Variants in NR1H3 observed in about 807,000 individuals in gnomAD.
NR1H3 encodes nuclear receptor subfamily 1 group H member 3.
In NR1H3, 19 loss-of-function variants were observed where a neutral mutation model predicts 48.1. That is an observed-to-expected ratio of 0.40 (90% CI 0.28 to 0.58). NR1H3 has a LOEUF of 0.58. Ranked by LOEUF, NR1H3 falls within the 20% of genes least tolerant of loss-of-function variation. The probability of loss-of-function intolerance (pLI) is 0.50; values close to 1 mark genes in which losing one functional copy is unlikely to be tolerated. For synonymous variants in NR1H3, 232 were observed against 227.3 expected (o/e 1.02, Z -0.19); for missense variants, 486 against 595.9 (o/e 0.82, Z 1.92).
chr11:47,254,161 C>A (rs1454729443), upstream of NR1H3, among the ~76,000 whole-genome samples: 1 of 152,190 alleles, frequency 6.6e-6, no homozygotes, highest in Admixed American at 6.5e-5. Flanking sequence ...CCCCCACTCC[C>A]ACAAGATGGG....
intron 1 of NR1H3, chr11:47,250,567 T>C (rs1591045954): frequency 6.6e-6 from 1 of 152,352 alleles, no homozygotes; most frequent in East Asian, 1.9e-4. Flanking sequence ...AGCCAAAGCC[T>C]GGGTAGCCAA....
chr11:47,264,857 A>G (rs1956293952), intron 7 of NR1H3, among the ~76,000 whole-genome samples: 1 of 152,206 alleles, frequency 6.6e-6, no homozygotes, highest in Admixed American at 6.5e-5. Context: ...TGGACTGAGC[A>G]CATTTGAGGT....
chr11:47,258,083 G>C lies in NR1H3; in HGVS notation c.-84G>C. 1 of 985,578 alleles carries C rather than the reference G, an allele frequency of 1.0e-6. No homozygotes were observed. Among genetic ancestry groups the C allele is most frequent in the Non-Finnish European group, 1.2e-6 (1 of 830,130 alleles). The allele number at this position is 985,578 out of a possible 1,614,324, so 61.1% of individuals were successfully genotyped here. A position where few individuals can be genotyped will look rare whatever the true frequency, so the allele number is the denominator to read the frequency against. Reference sequence around the variant, plus strand: ...CACCATCCTCTTCTCCCAGCAAGGGGGCTCCAGAGACTGCCCACCCAGGAA... The same window carrying C: ...CACCATCCTCTTCTCCCAGCAAGGGCGCTCCAGAGACTGCCCACCCAGGAA... On this transcript the variant is annotated 5_prime_UTR_variant, in exon 1 of 10. Transcript: ENST00000441012.
intron 3 of NR1H3, 37 bp from the exon 4 acceptor site, chr11:47,260,372 C>T: frequency 6.4e-7 from 1 of 1,573,992 alleles, no homozygotes; most frequent in Non-Finnish European, 8.6e-7. Context: ...GATGTTTTTC[C>T]TCGGGGGAGA....
chr11:47,249,566 G>A (rs1190396232), intron 1 of NR1H3, among the ~76,000 whole-genome samples: 1 of 152,174 alleles, frequency 6.6e-6, no homozygotes, highest in Non-Finnish European at 1.5e-5. Flanking sequence ...CAGACCAGTG[G>A]GGAGGTATTT....
chr11:47,259,710 T>G, intron 2 of NR1H3, 81 bp from the exon 3 acceptor site: 2 of 1,596,910 alleles, frequency 1.3e-6, no homozygotes, highest in Non-Finnish European at 1.7e-6. Context: ...GGGATAAGTT[T>G]GCAGTTTCCC....
At position 47,268,077 on chromosome 11, in the gene NR1H3, C is replaced by T. The variant is rs760019068; in HGVS notation, c.1102+51C>T. On this transcript the variant is annotated intron_variant, in intron 8 of 9. Transcript: ENST00000441012. ...AGCAAGAGACTTACACCAAGGAGGG[C>T]TGCAGGTCCCACAGGAATCGGTGGG... 5 of 1,383,412 alleles carry T rather than the reference C, an allele frequency of 3.6e-6. No homozygotes were observed. In the South Asian group the frequency reaches 5.8e-5, roughly 16 times the overall value. 85.7% of individuals were successfully genotyped at this position (1,383,412 alleles called of 1,614,324 possible).
upstream of NR1H3, chr11:47,248,552 C>T: frequency 6.4e-7 from 1 of 1,551,678 alleles, no homozygotes; most frequent in Non-Finnish European, 8.7e-7. Flanking sequence ...TCCAGCCTCC[C>T]AACTACCCAG....
chr11:47,259,118 A>G, intron 1 of NR1H3, 62 bp from the exon 2 acceptor site: 1 of 1,602,612 alleles, frequency 6.2e-7, no homozygotes, highest in East Asian at 2.2e-5. Context: ...CAGGTGGAGA[A>G]GGGAGCTGAG....
At chr11:47,249,013 G>A in intron 1 of NR1H3, 1 of 1,475,236 alleles carries the variant, frequency 6.8e-7, no homozygotes, top group Non-Finnish European at 9.0e-7. Flanking sequence ...ACGCGACCTG[G>A]CGCGGCAGAC....
Position 47,260,425 on chromosome 11 carries a change from G to T in NR1H3, c.249G>T (p.Lys83Asn). 1 of 1,613,282 alleles carries T rather than the reference G, an allele frequency of 6.2e-7. No individual in the cohort carries two copies. Among genetic ancestry groups the T allele is most frequent in the Non-Finnish European group, 8.5e-7 (1 of 1,179,394 alleles). The change falls in exon 4 of 10, where the codon AAG becomes AAT. Residue 83 changes from lysine to asparagine, a missense_variant. Lys to Asn is a moderately conservative substitution (Grantham distance 94, BLOSUM62 0). Coordinates refer to ENST00000441012, the MANE Select transcript of NR1H3 (RefSeq NM_005693.4). ...TGTATCCAGAGATCCGTCCACAAAA[G>T]CGGAAAAAGGGGCCAGCCCCCAAAA... ...PSEPTEIRPQKRKKGPAPKML... is the reference protein window; with the variant it reads ...PSEPTEIRPQNRKKGPAPKML...
chr11:47,256,497 C>T (rs888732222), upstream of NR1H3, among the ~76,000 whole-genome samples: 23 of 151,930 alleles, frequency 1.5e-4, no homozygotes, highest in Admixed American at 2.6e-4. Context: ...AGAGTCTGAA[C>T]GCTAAATCAA....
Position 47,260,675 on chromosome 11 carries a change from T to C in NR1H3, c.499T>C (p.Cys167Arg), listed in dbSNP as rs1955740758. 6.3e-7 allele frequency: 1 copy of C among 1,589,452 alleles called. No homozygotes were observed. The change falls in exon 4 of 10, where the codon TGT becomes CGT. Residue 167 changes from cysteine to arginine, a missense_variant and splice_region_variant. Cys to Arg is a radical substitution (Grantham distance 180). Transcript: ENST00000441012. ...CCGTCAGGCTGGCATGCGGGAGGAG[T>C]GTGAGTTTCTGGGGCTGGAGTGGGG... The part of the protein sequence containing the change: ...KCRQAGMREE[C>R]VLSEEQIRLK...
At position 47,259,803 on chromosome 11, in the gene NR1H3, A is replaced by G. The variant is rs1237026639; in HGVS notation, c.56A>G (p.Glu19Gly). The G allele has an allele frequency of 6.2e-7, 1 of 1,611,950 alleles. No homozygotes were observed. The part of the protein sequence containing the change: ...VPDIPPDSAV[E>G]LWKPGAQDAS... Reference sequence around the variant, plus strand: ...TTTTGGAGCTCAGACTCTGCGGTGGAGCTGTGGAAGCCAGGCGCACAGGAT... The same window carrying G: ...TTTTGGAGCTCAGACTCTGCGGTGGGGCTGTGGAAGCCAGGCGCACAGGAT... The change falls in exon 3 of 10, where the codon GAG (glutamate) becomes GGG (glycine). Residue 19 changes from glutamate to glycine, a missense_variant. By Grantham distance (98) the Glu-to-Gly change is moderately conservative (BLOSUM62 -2). Coordinates refer to ENST00000441012, the MANE Select transcript of NR1H3 (RefSeq NM_005693.4).
At position 47,268,317 on chromosome 11, in the gene NR1H3, G is replaced by C; in HGVS notation, c.1159G>C (p.Glu387Gln). ...AGAGAGGCTGCAGCACACATATGTGGAAGCCCTGCATGCCTACGTCTCCAT... is the reference window on the plus strand; with the variant it reads ...AGAGAGGCTGCAGCACACATATGTGCAAGCCCTGCATGCCTACGTCTCCAT... ...QVERLQHTYV[E>Q]ALHAYVSIHH... The change falls in exon 9 of 10, where the codon GAA becomes CAA. Residue 387 changes from glutamate to glutamine, a missense_variant. By Grantham distance (29) the Glu-to-Gln change is conservative. Coordinates refer to ENST00000441012, the MANE Select transcript of NR1H3 (RefSeq NM_005693.4). The C allele has an allele frequency of 6.2e-7, 1 of 1,614,120 alleles. No individual in the cohort carries two copies. Among genetic ancestry groups the C allele is most frequent in the Non-Finnish European group, 8.5e-7 (1 of 1,180,024 alleles).
chr11:47,261,918 G>A lies in NR1H3; in HGVS notation c.889-1G>A, dbSNP rs1396244141. ...GTTTGAGGTTTGCTGCTTGTGTGCA[G>A]GTGATGCTTCTGGAGACATCTCGGA... On this transcript the variant is annotated splice_acceptor_variant, in intron 6 of 9. Coordinates refer to ENST00000441012, the MANE Select transcript of NR1H3 (RefSeq NM_005693.4). LOFTEE classifies it high-confidence loss of function. The A allele has an allele frequency of 1.2e-6, 2 of 1,613,704 alleles. No individual in the cohort carries two copies. The highest frequency in any genetic ancestry group is 2.7e-5 in the African/African-American group (2 of 74,908).
rs752722976 is a variant in NR1H3 at position 47,261,654 on chromosome 11, T to A, written c.816T>A (p.Ala272=). Reference sequence around the variant, plus strand: ...CTGTGCAGGAGATAGTTGACTTTGCTAAACAGCTACCCGGCTTCCTGCAGC... The same window carrying A: ...CTGTGCAGGAGATAGTTGACTTTGCAAAACAGCTACCCGGCTTCCTGCAGC... ...IVSVQEIVDF[A]KQLPGFLQLS... is the part of the protein sequence containing the mutation. Residue 272 remains alanine, a synonymous_variant, in exon 6 of 10, where the codon GCT becomes GCA. Coordinates refer to ENST00000441012, the MANE Select transcript of NR1H3 (RefSeq NM_005693.4). The A allele has an allele frequency of 2.5e-6, 4 of 1,614,226 alleles. No homozygotes were observed. The highest frequency in any genetic ancestry group is 3.4e-6 in the Non-Finnish European group (4 of 1,180,046).
rs1369741029 is a variant in NR1H3, at chr11:47,265,666, G to A, written c.989-2247G>A. Among the ~76,000 whole-genome samples, 2 of 152,136 alleles carry A rather than the reference G, an allele frequency of 1.3e-5. 1 individual carries two copies. Among genetic ancestry groups the A allele is most frequent in the Non-Finnish European group, 2.9e-5 (2 of 68,030 alleles). ...AGGCAGGCAGATCACGAGGTCAAGAGATCGAGACCATCCTGGCCAACATGG... is the reference window on the plus strand; with the variant it reads ...AGGCAGGCAGATCACGAGGTCAAGAAATCGAGACCATCCTGGCCAACATGG... On this transcript the variant is annotated intron_variant, in intron 7 of 9. Transcript: ENST00000441012.
chr11:47,262,144 C>G, intron 7 of NR1H3, 126 bp downstream of exon 7: 1 of 654,448 alleles, frequency 1.5e-6, no homozygotes, highest in South Asian at 1.9e-5. Context: ...CTTTGGGAGG[C>G]CGAGGTGGGC....
Sources: gnomAD v4.1 joint callset for allele counts (sites outside exome capture counted in the v4.1 genomes callset) on GRCh38, gnomAD v4.1.1 for gene constraint, MANE v1.5 for transcripts, NCBI Gene and HGNC (gene_info 2026-07-23, HGNC 2026-07-21) for gene names.